Variants in SLC30A5 observed in about 807,000 individuals in gnomAD.
SLC30A5 encodes the protein proton-coupled zinc antiporter SLC30A5.
Under a neutral mutation model 79.6 loss-of-function variants are expected in SLC30A5, and 33 were observed. That is an observed-to-expected ratio of 0.41 (90% CI 0.31 to 0.55). The LOEUF is 0.55. Among genes scored for constraint, SLC30A5 ranks in the 20% least tolerant of loss-of-function variants. SLC30A5 has a pLI of 0.20. For missense variants in SLC30A5, 788 were observed against 928.1 expected, an observed-to-expected ratio of 0.85 and a Z score of 1.96; for synonymous variants, 299 against 319.7, an observed-to-expected ratio of 0.94 and a Z score of 0.69.
At chr5:69,120,894 G>A (rs1481330883) in intron 12 of SLC30A5, among the ~76,000 whole-genome samples, 1 of 152,196 alleles carries the variant, frequency 6.6e-6, no homozygotes, top group Non-Finnish European at 1.5e-5. Flanking sequence ...TACTATTCAA[G>A]ATCATTTTGT....
intron 5 of SLC30A5, among the ~76,000 whole-genome samples, chr5:69,109,365 A>C (rs1457231897): frequency 6.6e-6 from 1 of 152,138 alleles, no homozygotes; most frequent in Non-Finnish European, 1.5e-5. Flanking sequence ...TAAAAAAAAA[A>C]ACAGGAAATT....
At position 69,103,049 on chromosome 5, in the gene SLC30A5, T is replaced by G; in HGVS notation, c.207-13T>G. 2.2e-6 allele frequency: 3 copies of G among 1,378,566 alleles called. No individual in the cohort carries two copies. Among genetic ancestry groups the G allele is most frequent in the Non-Finnish European group, 3.1e-6 (3 of 981,132 alleles). The allele number at this position is 1,378,566 out of a possible 1,614,324, so 85.4% of individuals were successfully genotyped here. Reference sequence around the variant, plus strand: ...GGATTAATATTAATATATTAATGTTTCAATATTTACAGGACTGCATTTTTT... The same window carrying G: ...GGATTAATATTAATATATTAATGTTGCAATATTTACAGGACTGCATTTTTT... On this transcript the variant is annotated splice_polypyrimidine_tract_variant and intron_variant, in intron 2 of 15. Transcript: ENST00000396591.
At position 69,129,830 on chromosome 5, in the gene SLC30A5, G is replaced by A; in HGVS notation, c.*213G>A. The A allele has an allele frequency of 2.5e-6, 1 of 392,272 alleles. No homozygotes were observed. Among genetic ancestry groups the A allele is most frequent in the Non-Finnish European group, 4.5e-6 (1 of 223,264 alleles). The allele number at this position is 392,272 out of a possible 1,614,324, so 24.3% of individuals were successfully genotyped here. On this transcript the variant is annotated 3_prime_UTR_variant, in exon 16 of 16. Transcript: ENST00000396591. ...AATTATTTAAATTATGTGTATAAAAGGAATCAAATTTTGAGTAAACATGAT... is the reference window on the plus strand; with the variant it reads ...AATTATTTAAATTATGTGTATAAAAAGAATCAAATTTTGAGTAAACATGAT...
rs552118181 is a variant in SLC30A5 at position 69,096,298 on chromosome 5, G to T, written c.83+1960G>T. Among the ~76,000 whole-genome samples the T allele has an allele frequency of 5.3e-5, 8 of 152,262 alleles. No individual in the cohort carries two copies. The South Asian group carries it at 1.7e-3, about 32-fold the overall frequency. On this transcript the variant is annotated intron_variant, in intron 1 of 15. Transcript: ENST00000396591. ...TAACAATTACAGAGTCCAGGTAAAG[G>T]ATATACTACTCTTGTAACTTTTACG...
chr5:69,123,203 A>G lies in SLC30A5; in HGVS notation c.1776A>G (p.Val592=). 1 of 1,592,862 alleles carries G rather than the reference A, an allele frequency of 6.3e-7. No homozygotes were observed. Among genetic ancestry groups the G allele is most frequent in the South Asian group, 1.1e-5 (1 of 87,878 alleles). Residue 592 remains valine, a synonymous_variant, in exon 14 of 16, where the codon GTA becomes GTG. Transcript: ENST00000396591. ...GGGMNANMRG[V]FLHVLADTLG... ...CCTTATATATTTTATTTGTAGGTGT[A>G]TTTCTACATGTTTTGGCAGATACAC...
At position 69,103,099 on chromosome 5, in the gene SLC30A5, T is replaced by C. The variant is rs777957890; in HGVS notation, c.244T>C (p.Ser82Pro). 1.4e-5 allele frequency: 23 copies of C among 1,592,380 alleles called. 1 individual carries two copies. In the South Asian group the frequency reaches 2.6e-4, roughly 18 times the overall value. The change falls in exon 3 of 16, where the codon TCT becomes CCT. Residue 82 changes from serine (S) to proline (P), a missense_variant. Physicochemically the swap from Ser to Pro is moderately conservative, Grantham distance 74. Coordinates refer to ENST00000396591, the MANE Select transcript of SLC30A5 (RefSeq NM_022902.5). ...FFMVLFQKPF[S>P]SGKTITKHQW... The stretch of plus-strand genomic sequence containing the variant: ...TATGGTTTTGTTTCAAAAGCCATTT[T>C]CTTCTGGGAAAACTATTACCAAACA...
intron 5 of SLC30A5, among the ~76,000 whole-genome samples, chr5:69,110,722 C>A (rs1357037363): frequency 6.6e-6 from 1 of 152,140 alleles, no homozygotes; most frequent in East Asian, 1.9e-4. Flanking sequence ...TAACAGAAAT[C>A]AGTGTGTATA....
intron 11 of SLC30A5, 75 bp from the exon 12 acceptor site, chr5:69,118,424 T>A: frequency 1.1e-5 from 14 of 1,316,120 alleles, no homozygotes; most frequent in Non-Finnish European, 1.4e-5. Flanking sequence ...TTTGGACTTG[T>A]TTCCTCATTT....
chr5:69,115,135 GAAAAAAAAAAA>G (rs60614154), intron 7 of SLC30A5, 91 bp from the exon 8 acceptor site: 69 of 539,604 alleles, frequency 1.3e-4, no homozygotes, highest in African/African-American at 4.5e-4. Flanking sequence ...TGTCTCTGGG[GAAAAAAAAAAA>G]AAAAAAAAAA....
At chr5:69,105,256 T>G (rs1201952550) in intron 4 of SLC30A5, among the ~76,000 whole-genome samples, 1 of 152,138 alleles carries the variant, frequency 6.6e-6, no homozygotes, top group East Asian at 1.9e-4. Flanking sequence ...AGTGGACTGG[T>G]TTAAGGAGGA....
At chr5:69,115,125 T>G (rs1746328223) in intron 7 of SLC30A5, 112 bp from the exon 8 acceptor site, 1 of 796,566 alleles carries the variant, frequency 1.3e-6, no homozygotes, top group South Asian at 1.9e-5. Context: ...AGCAAGACCC[T>G]GTCTCTGGGG....
chr5:69,129,481 A>G lies in SLC30A5; in HGVS notation c.2162A>G (p.Asn721Ser), dbSNP rs1197613730. The G allele has an allele frequency of 1.9e-6, 3 of 1,612,996 alleles. No individual in the cohort carries two copies. Among genetic ancestry groups the G allele is most frequent in the African/African-American group, 2.7e-5 (2 of 74,914 alleles). ...TGILKDAGVN[N>S]LTIQVEKEAY... The stretch of plus-strand genomic sequence containing the variant: ...ATACTTAAAGATGCTGGAGTAAACA[A>G]TTTAACAATTCAAGTGGAAAAGGAG... Residue 721 changes from asparagine (N) to serine (S), a missense_variant, in exon 16 of 16, where the codon AAT (asparagine) becomes AGT (serine). By Grantham distance (46) the Asn-to-Ser change is conservative. Transcript: ENST00000396591.
At position 69,121,868 on chromosome 5, in the gene SLC30A5, G is replaced by C. The variant is rs139009301; in HGVS notation, c.1744G>C (p.Gly582Arg). 2.5e-6 allele frequency: 4 copies of C among 1,613,650 alleles called. No individual in the cohort carries two copies. Among genetic ancestry groups the C allele is most frequent in the Admixed American group, 3.3e-5 (2 of 59,942 alleles). ...HGHGHSHGSAGGGMNANMRGV... is the reference protein window; with the variant it reads ...HGHGHSHGSARGGMNANMRGV... The stretch of plus-strand genomic sequence containing the variant: ...GCATGGTCACAGCCACGGATCTGCG[G>C]GTGGAGGCATGAATGCTAACATGAG... The change falls in exon 13 of 16, where the codon GGT becomes CGT. Residue 582 changes from glycine to arginine, a missense_variant. Transcript: ENST00000396591.
chr5:69,100,592 G>A (rs934260184), intron 1 of SLC30A5, among the ~76,000 whole-genome samples: 2 of 133,836 alleles, frequency 1.5e-5, no homozygotes, highest in South Asian at 4.9e-4. Context: ...GCAACACATT[G>A]AGACCCCGTC....
intron 12 of SLC30A5, 87 bp downstream of exon 12, chr5:69,118,715 C>T: frequency 8.6e-7 from 1 of 1,163,348 alleles, no homozygotes; most frequent in Non-Finnish European, 1.2e-6. Flanking sequence ...GCAGTTATTG[C>T]TCTAAGAAGG....
intron 15 of SLC30A5, 104 bp downstream of exon 15, chr5:69,128,236 T>A: frequency 2.2e-5 from 14 of 640,320 alleles, no homozygotes; most frequent in Non-Finnish European, 3.2e-5. Context: ...TTCAGAAATA[T>A]CAATCTTCCA....
intron 14 of SLC30A5, among the ~76,000 whole-genome samples, chr5:69,125,493 C>A: frequency 6.8e-6 from 1 of 147,670 alleles, no homozygotes; most frequent in African/African-American, 2.5e-5. Flanking sequence ...GCCATGGCAA[C>A]AGAGCGAGAC....
chr5:69,121,169 C>T (rs546460545), intron 12 of SLC30A5, among the ~76,000 whole-genome samples: 28 of 152,138 alleles, frequency 1.8e-4, no homozygotes, highest in Non-Finnish European at 2.6e-4. Context: ...TAAATAAATG[C>T]GAGATTACTA....
chr5:69,112,835 AG>A (rs1391545042), intron 5 of SLC30A5, among the ~76,000 whole-genome samples: 1 of 152,180 alleles, frequency 6.6e-6, no homozygotes, highest in East Asian at 1.9e-4. Flanking sequence ...TTCAACCAGA[AG>A]TAAAGTAGCA....
Sources: gnomAD v4.1 joint callset for allele counts (sites outside exome capture counted in the v4.1 genomes callset) on GRCh38, gnomAD v4.1.1 for gene constraint, MANE v1.5 for transcripts, NCBI Gene and HGNC (gene_info 2026-07-23, HGNC 2026-07-21) for gene names.